Variants in HMCN1 observed in about 807,000 individuals in gnomAD.
The protein encoded by HMCN1 is hemicentin 1, also known as hemicentin-1.
HMCN1 carries 321 observed loss-of-function variants against 625.9 expected under a neutral mutation model. That is an observed-to-expected ratio of 0.51 (90% CI 0.47 to 0.56). HMCN1 has a LOEUF of 0.56. Ranked by LOEUF, HMCN1 falls within the 20% of genes least tolerant of loss-of-function variation. The pLI, the probability that HMCN1 is intolerant of heterozygous loss-of-function variation, is 0.00. For missense variants in HMCN1, 6,588 were observed against 6,887.3 expected (o/e 0.96, Z 1.54); for synonymous variants, 2,425 against 2,417.6 (o/e 1.00, Z -0.09).
intron 100 of HMCN1, among the ~76,000 whole-genome samples, chr1:186,170,721 C>G (rs576362967): frequency 6.6e-6 from 1 of 152,116 alleles, no homozygotes; most frequent in Non-Finnish European, 1.5e-5. Context: ...TCCTCCAGGA[C>G]TGGAGGAAAG....
chr1:186,134,772 TACCTCTCACTG>T (rs1246445351), intron 86 of HMCN1, among the ~76,000 whole-genome samples: 1 of 152,206 alleles, frequency 6.6e-6, no homozygotes, highest in Non-Finnish European at 1.5e-5. Flanking sequence ...AATTATCTAT[TACCTCTCACTG>T]AACAAATCAT....
At chr1:186,003,693 T>G (rs759994580) in intron 28 of HMCN1, 25 bp from the exon 29 acceptor site, 5 of 1,612,286 alleles carry the variant, frequency 3.1e-6, no homozygotes, top group Non-Finnish European at 4.2e-6. Flanking sequence ...TAACAGAGTT[T>G]CATAATACAC....
chr1:185,747,432 C>A (rs887443612), intron 1 of HMCN1, among the ~76,000 whole-genome samples: 1 of 151,892 alleles, frequency 6.6e-6, no homozygotes, highest in Non-Finnish European at 1.5e-5. Flanking sequence ...AATTCTCATG[C>A]CTTAGCCTCC....
intron 2 of HMCN1, among the ~76,000 whole-genome samples, chr1:185,852,807 T>C (rs1662242924): frequency 6.6e-6 from 1 of 152,076 alleles, no homozygotes; most frequent in Non-Finnish European, 1.5e-5. Context: ...TCCCCAAATA[T>C]TTATGTTGTA....
rs1653703750 is a variant in HMCN1 at position 186,007,268 on chromosome 1, AACTG to A, written c.4620_4623del (p.Thr1541SerfsTer19). ...GCTGGCAAACAAGCCAAGGATATAA[AACTG>A]ACTATCTATAGTAAGTGCGATTGTC... On this transcript the variant is annotated frameshift_variant, in exon 30 of 107. Coordinates refer to ENST00000271588, the MANE Select transcript of HMCN1 (RefSeq NM_031935.3). LOFTEE classifies it high-confidence loss of function. 1.2e-6 allele frequency: 2 copies of A among 1,613,680 alleles called. No individual in the cohort carries two copies. The highest frequency in any genetic ancestry group is 1.7e-6 in the Non-Finnish European group (2 of 1,179,696).
chr1:186,082,948 C>T lies in HMCN1; in HGVS notation c.8871C>T (p.Asn2957=). The T allele has an allele frequency of 6.3e-7, 1 of 1,582,706 alleles. No individual in the cohort carries two copies. Among genetic ancestry groups the T allele is most frequent in the Non-Finnish European group, 8.6e-7 (1 of 1,159,886 alleles). ...CTGGGAGTGCCAAAAAATATTTTAA[C>T]CTCAATGTTCATGGTAAGAGCTCAG... ...NTAGSAKKYF[N]LNVHVPPSVI... The change falls in exon 57 of 107, where the codon AAC becomes AAT. Residue 2957 remains asparagine (N), a synonymous_variant. Coordinates refer to ENST00000271588, the MANE Select transcript of HMCN1 (RefSeq NM_031935.3).
At position 186,108,615 on chromosome 1, in the gene HMCN1, C is replaced by T. The variant is rs778747678; in HGVS notation, c.10989+18C>T. 1 of 1,613,950 alleles carries T rather than the reference C, an allele frequency of 6.2e-7. No homozygotes were observed. Among genetic ancestry groups the T allele is most frequent in the Admixed American group, 1.7e-5 (1 of 60,014 alleles). Reference sequence around the variant, plus strand: ...GGTTACAGGTAAATTTTTTGATAAGCTCCACAAATTCCTTTTTGAGATGAA... The same window carrying T: ...GGTTACAGGTAAATTTTTTGATAAGTTCCACAAATTCCTTTTTGAGATGAA... On this transcript the variant is annotated intron_variant, in intron 71 of 106. Coordinates refer to ENST00000271588, the MANE Select transcript of HMCN1 (RefSeq NM_031935.3).
chr1:185,908,918 T>A (rs563660129), intron 4 of HMCN1, among the ~76,000 whole-genome samples: 2 of 151,462 alleles, frequency 1.3e-5, no homozygotes, highest in Non-Finnish European at 2.9e-5. Flanking sequence ...CTAAGTGGGT[T>A]TCTTTTACAA....
intron 1 of HMCN1, among the ~76,000 whole-genome samples, chr1:185,775,038 C>CA (rs140034733): frequency 0.089 from 13,520 of 152,024 alleles, 1,909 homozygotes; most frequent in African/African-American, 0.3. Flanking sequence ...ATGAAATTAC[C>CA]AAATTCACCC....
chr1:186,174,650 A>G lies in HMCN1; in HGVS notation c.15943+8A>G. On this transcript the variant is annotated splice_region_variant and intron_variant, in intron 103 of 106. Coordinates refer to ENST00000271588, the MANE Select transcript of HMCN1 (RefSeq NM_031935.3). ...TTGGAAGACCCTGCATGGGTAAGTT[A>G]ATAGGAACTTGTTGAGCAATAAAGC... 6.2e-7 allele frequency: 1 copy of G among 1,613,898 alleles called. No individual in the cohort carries two copies. Among genetic ancestry groups the G allele is most frequent in the South Asian group, 1.1e-5 (1 of 91,078 alleles).
intron 36 of HMCN1, among the ~76,000 whole-genome samples, chr1:186,024,403 T>C (rs1279417585): frequency 6.6e-6 from 1 of 152,124 alleles, no homozygotes; most frequent in Non-Finnish European, 1.5e-5. Context: ...GATTCTCTCT[T>C]CTTTCTTATT....
intron 9 of HMCN1, among the ~76,000 whole-genome samples, chr1:185,926,658 T>C (rs933746385): frequency 3.3e-5 from 5 of 152,198 alleles, no homozygotes; most frequent in Non-Finnish European, 5.9e-5. Context: ...TTAAGCTCTT[T>C]GGATGTGACA....
rs768205453 is a variant in HMCN1, at chr1:186,114,920, G to T, written c.11378G>T (p.Arg3793Leu). 3 of 1,614,084 alleles carry T rather than the reference G, an allele frequency of 1.9e-6. No homozygotes were observed. The highest frequency in any genetic ancestry group is 1.7e-6 in the Non-Finnish European group (2 of 1,179,992). ...CMATNAAGTDRRRIDLQVHVP... is the reference protein window; with the variant it reads ...CMATNAAGTDLRRIDLQVHVP... ...GCCACCAATGCTGCTGGAACAGATC[G>T]CAGGCGAATAGATTTACAGGTCCAT... The change falls in exon 74 of 107, where the codon CGC becomes CTC. Residue 3793 changes from arginine to leucine, a missense_variant. By Grantham distance (102) the Arg-to-Leu change is moderately radical (BLOSUM62 -2). Around this residue, in one of 3 missense-constraint regions of HMCN1, gnomAD observed 4,628 missense variants for 4,853.1 expected, o/e 0.95. Coordinates refer to ENST00000271588, the MANE Select transcript of HMCN1 (RefSeq NM_031935.3).
intron 68 of HMCN1, among the ~76,000 whole-genome samples, chr1:186,096,521 T>G (rs184223091): frequency 6.6e-6 from 1 of 152,130 alleles, no homozygotes; most frequent in Non-Finnish European, 1.5e-5. Context: ...GAAGTATGGT[T>G]CTCTGGAGTA....
chr1:185,786,147 T>C (rs539861770), intron 1 of HMCN1, among the ~76,000 whole-genome samples: 38 of 152,370 alleles, frequency 2.5e-4, no homozygotes, highest in Non-Finnish European at 1.8e-4. Context: ...ATTGTGATTT[T>C]ATAACATCAT....
intron 55 of HMCN1, among the ~76,000 whole-genome samples, chr1:186,080,210 G>C (rs1659081003): frequency 6.6e-6 from 1 of 152,130 alleles, no homozygotes; most frequent in South Asian, 2.1e-4. Context: ...AAATTCTATT[G>C]TGTGCTTTGT....
At chr1:186,128,321 A>G in intron 83 of HMCN1, 30 bp downstream of exon 83, 1 of 1,531,514 alleles carries the variant, frequency 6.5e-7, no homozygotes. Flanking sequence ...AGAAGTGAAT[A>G]AATACACCTA....
In HMCN1 at chr1:186,120,042, C is replaced by T. The variant is rs1661328071; in HGVS notation, c.12126C>T (p.Gly4042=). The change falls in exon 80 of 107, where the codon GGC becomes GGT. Residue 4042 remains glycine, a synonymous_variant. Transcript: ENST00000271588. ...ACCATGCAGTTCTTCCTAGTGGCGG[C>T]TTACAGATCTCCAGAGCTGTCCGAG... is the stretch of plus-strand genomic sequence containing the variant. ...GRNHAVLPSG[G]LQISRAVRED... is the part of the protein sequence containing the mutation. 1.9e-6 allele frequency: 3 copies of T among 1,614,004 alleles called. No homozygotes were observed. Among genetic ancestry groups the T allele is most frequent in the African/African-American group, 1.3e-5 (1 of 75,010 alleles).
chr1:185,802,357 A>G (rs1026091499), intron 1 of HMCN1, among the ~76,000 whole-genome samples: 3 of 152,204 alleles, frequency 2.0e-5, no homozygotes, highest in Non-Finnish European at 4.4e-5. Flanking sequence ...TAGACTAGAC[A>G]TCTTGATATA....
Sources: gnomAD v4.1 joint callset for allele counts (sites outside exome capture counted in the v4.1 genomes callset) on GRCh38, gnomAD v4.1.1 for gene constraint, gnomAD v4.1.1 regional missense constraint, MANE v1.5 for transcripts, NCBI Gene and HGNC (gene_info 2026-07-23, HGNC 2026-07-21) for gene names.